Variants in PRUNE2 observed in about 807,000 individuals in gnomAD.
PRUNE2 encodes prune homolog 2 with BCH domain, also known as protein prune homolog 2.
In PRUNE2, 164 loss-of-function variants were observed where a neutral mutation model predicts 252.0. The ratio of observed to expected loss-of-function variants is 0.65; its 90% CI spans 0.57 to 0.74. The LOEUF is 0.74. Among genes scored for constraint, PRUNE2 ranks in the 30% least tolerant of loss-of-function variants. The probability of loss-of-function intolerance (pLI) is 0.00; values close to 1 mark genes in which losing one functional copy is unlikely to be tolerated. For synonymous variants in PRUNE2, 1,292 were observed against 1,350.2 expected, an observed-to-expected ratio of 0.96 and a Z score of 0.94; for missense variants, 3,495 against 3,711.0, an observed-to-expected ratio of 0.94 and a Z score of 1.51.
At chr9:76,740,538 A>C (rs2049524554) in intron 6 of PRUNE2, 1 of 152,268 alleles carries the variant, frequency 6.6e-6, no homozygotes, top group Middle Eastern at 3.4e-3. Flanking sequence ...AAAGGCATTA[A>C]AATAAAATTG....
intron 17 of PRUNE2, among the ~76,000 whole-genome samples, chr9:76,623,561 G>A (rs1160366403): frequency 6.6e-6 from 1 of 152,156 alleles, no homozygotes; most frequent in East Asian, 1.9e-4. Context: ...CCAAAGTGCT[G>A]GGATTACAGG....
intron 9 of PRUNE2, among the ~76,000 whole-genome samples, chr9:76,684,377 A>G (rs2043837165): frequency 6.6e-6 from 1 of 152,126 alleles, no homozygotes; most frequent in African/African-American, 2.4e-5. Flanking sequence ...GAGACAAGTC[A>G]AAGGGAGCAG....
intron 6 of PRUNE2, among the ~76,000 whole-genome samples, chr9:76,752,154 A>G (rs10781377): frequency 0.66 from 99,736 of 150,624 alleles, 33,650 homozygotes; most frequent in East Asian, 0.84. Context: ...CTGGAGTGCA[A>G]TGGTGCAATC....
At chr9:76,855,082 A>AATATATATATATATATATATATAT (rs1162386020) in intron 1 of PRUNE2, among the ~76,000 whole-genome samples, 2 of 109,396 alleles carry the variant, frequency 1.8e-5, no homozygotes, top group African/African-American at 7.7e-5. Flanking sequence ...AAAAAAAAAA[A>AATATATATATATATATATATATAT]ATATATATAT....
chr9:76,649,395 G>A (rs1342981273), intron 11 of PRUNE2, among the ~76,000 whole-genome samples: 2 of 152,012 alleles, frequency 1.3e-5, no homozygotes, highest in East Asian at 3.9e-4. Context: ...GACCAGCCTG[G>A]GAAACGTGGC....
intron 12 of PRUNE2, among the ~76,000 whole-genome samples, chr9:76,639,701 A>T (rs181580109): frequency 0.029 from 4,365 of 152,248 alleles, 221 homozygotes; most frequent in African/African-American, 0.1. Flanking sequence ...GTAGTATAAA[A>T]TTCTGTACTT....
At chr9:76,880,601 T>G (rs889723397) in intron 1 of PRUNE2, among the ~76,000 whole-genome samples, 1 of 152,172 alleles carries the variant, frequency 6.6e-6, no homozygotes, top group African/African-American at 2.4e-5. Flanking sequence ...AAAAAATAAA[T>G]TAATTTAATT....
chr9:76,745,819 T>G (rs1459343721), intron 6 of PRUNE2, among the ~76,000 whole-genome samples: 1 of 152,210 alleles, frequency 6.6e-6, no homozygotes, highest in East Asian at 1.9e-4. Flanking sequence ...CTATTGCTTC[T>G]GTCTGCCCAG....
intron 9 of PRUNE2, among the ~76,000 whole-genome samples, chr9:76,683,457 T>C (rs537900143): frequency 6.6e-6 from 1 of 152,320 alleles, no homozygotes; most frequent in East Asian, 1.9e-4. Context: ...GTTCTTAGGT[T>C]TTCATAATAT....
At position 76,709,813 on chromosome 9, in the gene PRUNE2, T is replaced by C. The variant is rs753281680; in HGVS notation, c.2461A>G (p.Thr821Ala). 3 of 1,613,966 alleles carry C rather than the reference T, an allele frequency of 1.9e-6. No individual in the cohort carries two copies. Among genetic ancestry groups the C allele is most frequent in the South Asian group, 2.2e-5 (2 of 91,082 alleles). ...CTAACAGAAGGTGTCTTGCTGCTTGTTGGGTGCAAATTCCAGGTATTTTTT... is the reference window on the plus strand; with the variant it reads ...CTAACAGAAGGTGTCTTGCTGCTTGCTGGGTGCAAATTCCAGGTATTTTTT... ...ALKNTWNLHPTSSKTPSVRDP... is the reference protein window; with the variant it reads ...ALKNTWNLHPASSKTPSVRDP... Residue 821 changes from threonine (T) to alanine (A), a missense_variant, in exon 8 of 19, where the codon ACA becomes GCA. Coordinates refer to ENST00000376718, the MANE Select transcript of PRUNE2 (RefSeq NM_015225.3).
chr9:76,811,769 T>A (rs997092874), intron 6 of PRUNE2, among the ~76,000 whole-genome samples: 13 of 152,144 alleles, frequency 8.5e-5, no homozygotes, highest in Non-Finnish European at 1.8e-4. Context: ...AAGAGAAGTC[T>A]TAAATAAGGA....
At chr9:76,721,025 C>G (rs796537718) in intron 6 of PRUNE2, among the ~76,000 whole-genome samples, 2 of 152,086 alleles carry the variant, frequency 1.3e-5, no homozygotes, top group African/African-American at 4.8e-5. Flanking sequence ...GGGCATAAAC[C>G]CAGGAGGCGG....
At chr9:76,783,544 G>T (rs1167949347) in intron 6 of PRUNE2, among the ~76,000 whole-genome samples, 2 of 152,168 alleles carry the variant, frequency 1.3e-5, no homozygotes, top group African/African-American at 4.8e-5. Context: ...CCTGCCAACA[G>T]CCCACTGAAA....
intron 4 of PRUNE2, among the ~76,000 whole-genome samples, chr9:76,830,400 C>A (rs187615101): frequency 6.6e-6 from 1 of 152,076 alleles, no homozygotes; most frequent in South Asian, 2.1e-4. Context: ...CACCTGTAAT[C>A]CCAGCACTTT....
At chr9:76,660,453 A>G (rs1335519763) in intron 9 of PRUNE2, among the ~76,000 whole-genome samples, 2 of 152,190 alleles carry the variant, frequency 1.3e-5, no homozygotes, top group African/African-American at 2.4e-5. Flanking sequence ...AAATTCATCT[A>G]GGATCACTGA....
chr9:76,882,601 A>G (rs1362677778), intron 1 of PRUNE2, among the ~76,000 whole-genome samples: 1 of 152,202 alleles, frequency 6.6e-6, no homozygotes, highest in East Asian at 1.9e-4. Context: ...AGCGTCTCAC[A>G]TGGTGGGAAC....
intron 9 of PRUNE2, among the ~76,000 whole-genome samples, chr9:76,671,869 A>G (rs1324967208): frequency 6.6e-6 from 1 of 152,170 alleles, no homozygotes; most frequent in East Asian, 1.9e-4. Flanking sequence ...TTTTGTCACC[A>G]CCAGGCCTGC....
At chr9:76,629,148 C>A in intron 16 of PRUNE2, 44 bp downstream of exon 16, 1 of 1,248,706 alleles carries the variant, frequency 8.0e-7, no homozygotes, top group Admixed American at 2.0e-5. Flanking sequence ...CAGCCTCAAA[C>A]TAGTACTATT....
chr9:76,731,325 T>TATA lies in PRUNE2; in HGVS notation c.757-17605_757-17604insTAT, dbSNP rs1491241762. On this transcript the variant is annotated intron_variant, in intron 6 of 18. Coordinates refer to ENST00000376718, the MANE Select transcript of PRUNE2 (RefSeq NM_015225.3). ...ATCTATCTATCTATATATATATATATTTTTTTTTTTTTTTTGAGACAGGGT... is the reference window on the plus strand; with the variant it reads ...ATCTATCTATCTATATATATATATATATATTTTTTTTTTTTTTTGAGACAGGGT... 1.6e-3 allele frequency among the ~76,000 whole-genome samples: 136 copies of TATA among 84,890 alleles called. 1 individual carries two copies. The highest frequency in any genetic ancestry group is 6.5e-3 in the East Asian group (27 of 4,160). The allele number at this position is 84,890 out of a possible 152,430, so 55.7% of individuals were successfully genotyped here.
Sources: allele counts gnomAD v4.1 joint callset (sites outside exome capture counted in the v4.1 genomes callset), GRCh38; gene constraint gnomAD v4.1.1; transcripts MANE v1.5; gene names NCBI Gene and HGNC (gene_info 2026-07-23, HGNC 2026-07-21).